The following DZIP3 variants were observed in gnomAD, a reference collection of about 807,000 sequenced individuals.
DZIP3 encodes the protein DAZ interacting zinc finger protein 3.
Under a neutral mutation model 162.0 loss-of-function variants are expected in DZIP3, and 118 were observed. The ratio of observed to expected loss-of-function variants is 0.73; its 90% CI spans 0.63 to 0.85. The LOEUF (loss-of-function observed/expected upper bound fraction) is 0.85. DZIP3 is among the 40% of genes least tolerant of loss of function. The pLI, the probability that DZIP3 is intolerant of heterozygous loss-of-function variation, is 0.00. For missense variants in DZIP3, 1,331 were observed against 1,407.0 expected (o/e 0.95, Z 0.86); for synonymous variants, 438 against 458.6 (o/e 0.96, Z 0.57).
chr3:108,603,615 TAA>T (rs1940157022), intron 1 of DZIP3, among the ~76,000 whole-genome samples: 2 of 152,180 alleles, frequency 1.3e-5, no homozygotes, highest in African/African-American at 4.8e-5. Flanking sequence ...AGCAAGAAAT[TAA>T]GAGATATTAG....
intron 8 of DZIP3, among the ~76,000 whole-genome samples, chr3:108,630,661 C>G (rs1941791004): frequency 6.6e-6 from 1 of 152,004 alleles, no homozygotes; most frequent in African/African-American, 2.4e-5. Flanking sequence ...CTTTACAAAG[C>G]AGTCCCTTAC....
Position 108,662,233 on chromosome 3 carries a change from C to T in DZIP3, c.2399C>T (p.Ala800Val). Residue 800 changes from alanine to valine, a missense_variant, in exon 21 of 33, where the codon GCT becomes GTT. Ala to Val is a moderately conservative substitution (Grantham distance 64). Transcript: ENST00000361582. ...ATCGCATCTCTTAATCAACAAGTTG[C>T]TTTTGGAATCAATAAGGTTTCCAAG... The part of the protein sequence containing the change: ...KIIASLNQQV[A>V]FGINKVSKLQ... 1 of 1,596,316 alleles carries T rather than the reference C, an allele frequency of 6.3e-7. No homozygotes were observed. Among genetic ancestry groups the T allele is most frequent in the Non-Finnish European group, 8.5e-7 (1 of 1,175,468 alleles).
rs1027050403 is a variant in DZIP3 at position 108,693,429 on chromosome 3, A to G, written c.*76A>G. On this transcript the variant is annotated 3_prime_UTR_variant, in exon 33 of 33. Transcript: ENST00000361582. ...CGGTGGTGTGTTGGAGCTGGCTTGT[A>G]ATGTCTTATGAGTGACAATCGTTAG... The G allele has an allele frequency of 3.3e-5, 5 of 152,152 alleles. No homozygotes were observed. Among genetic ancestry groups the G allele is most frequent in the African/African-American group, 1.2e-4 (5 of 41,434 alleles). The allele number at this position is 152,152 out of a possible 1,614,324, so 9.4% of individuals were successfully genotyped here.
intron 24 of DZIP3, among the ~76,000 whole-genome samples, chr3:108,674,548 CG>C (rs1336093652): frequency 6.6e-6 from 1 of 151,820 alleles, no homozygotes; most frequent in African/African-American, 2.4e-5. Context: ...CAGAGACATA[CG>C]TGAACACCAG....
rs778581424 is a variant in DZIP3 at position 108,669,739 on chromosome 3, T to C, written c.2482T>C (p.Ser828Pro). The C allele has an allele frequency of 1.9e-6, 3 of 1,610,972 alleles. No homozygotes were observed. Among genetic ancestry groups the C allele is most frequent in the Non-Finnish European group, 8.5e-7 (1 of 1,178,112 alleles). The change falls in exon 22 of 33, where the codon TCT becomes CCT. Residue 828 changes from serine to proline, a missense_variant. Transcript: ENST00000361582. ...NEIKNLKEQL[S>P]MKRSQWEMEK... ...AATCAAGAACCTTAAAGAGCAACTT[T>C]CTATGAAAAGGTACAAACTTAGCTT...
In DZIP3 at chr3:108,684,100, T is replaced by A. The variant is rs565790329; in HGVS notation, c.2884-116T>A. ...TTTCTAATGTGCTTTGTATCTTGAG[T>A]TCAAATGAGTGTTCCCCCCGCCATA... On this transcript the variant is annotated intron_variant, in intron 26 of 32. Transcript: ENST00000361582. 7 of 1,212,954 alleles carry A rather than the reference T, an allele frequency of 5.8e-6. No individual in the cohort carries two copies. The East Asian group carries it at 1.8e-4, about 31-fold the overall frequency. 75.1% of individuals were successfully genotyped at this position (1,212,954 alleles called of 1,614,324 possible). A position where few individuals can be genotyped will look rare whatever the true frequency, so the allele number is the denominator to read the frequency against.
Position 108,629,152 on chromosome 3 carries a change from TGAA to T in DZIP3, c.675_677del (p.Glu225del). The T allele has an allele frequency of 6.3e-7, 1 of 1,589,550 alleles. No homozygotes were observed. Among genetic ancestry groups the T allele is most frequent in the Non-Finnish European group, 8.5e-7 (1 of 1,171,948 alleles). ...GGTTTGACATAGATCCTACAGAAGA[TGAA>T]GATTTACCTACAACTTTTAAAGTAA... On this transcript the variant is annotated inframe_deletion, in exon 8 of 33. Coordinates refer to ENST00000361582, the MANE Select transcript of DZIP3 (RefSeq NM_014648.4).
intron 28 of DZIP3, 70 bp downstream of exon 28, chr3:108,686,654 A>G: frequency 2.2e-6 from 3 of 1,376,812 alleles, no homozygotes; most frequent in African/African-American, 1.5e-5. Context: ...AATTGTGGCA[A>G]TGAAACATTT....
intron 15 of DZIP3, among the ~76,000 whole-genome samples, chr3:108,647,027 C>T (rs759395961): frequency 1.1e-4 from 16 of 151,936 alleles, no homozygotes; most frequent in Admixed American, 3.9e-4. Flanking sequence ...GGCGACAGAG[C>T]GAGATTCAGT....
At chr3:108,676,506 T>G (rs1944114959) in intron 25 of DZIP3, among the ~76,000 whole-genome samples, 1 of 152,052 alleles carries the variant, frequency 6.6e-6, no homozygotes, top group Admixed American at 6.6e-5. Context: ...AAAGACATAA[T>G]CCACTGAATA....
chr3:108,672,089 C>T (rs192964233), intron 22 of DZIP3, among the ~76,000 whole-genome samples: 62 of 152,076 alleles, frequency 4.1e-4, no homozygotes, highest in Admixed American at 3.0e-3. Context: ...TAGCAGAAGG[C>T]AGGCAAGGAA....
chr3:108,593,090 C>A (rs956716156), intron 1 of DZIP3, among the ~76,000 whole-genome samples: 12 of 152,146 alleles, frequency 7.9e-5, no homozygotes, highest in African/African-American at 2.9e-4. Context: ...AAATGTCTGC[C>A]AAAAATTATC....
chr3:108,610,397 A>G (rs1223060731), intron 3 of DZIP3, among the ~76,000 whole-genome samples: 1 of 152,192 alleles, frequency 6.6e-6, no homozygotes, highest in Non-Finnish European at 1.5e-5. Flanking sequence ...CATAGTTGAG[A>G]TTAGACAGAT....
rs1335857679 is a variant in DZIP3, at chr3:108,642,427, T to C, written c.1065-11T>C. The C allele has an allele frequency of 4.8e-6, 7 of 1,471,418 alleles. No individual in the cohort carries two copies. Among genetic ancestry groups the C allele is most frequent in the Non-Finnish European group, 2.8e-6 (3 of 1,089,844 alleles). The allele number at this position is 1,471,418 out of a possible 1,614,324, so 91.1% of individuals were successfully genotyped here. On this transcript the variant is annotated splice_polypyrimidine_tract_variant and intron_variant, in intron 12 of 32. Transcript: ENST00000361582. Reference sequence around the variant, plus strand: ...TATTTCCACTATAACTTAATTTTTTTCCTTTTGCAGTTATAGAAAGTTGAT... The same window carrying C: ...TATTTCCACTATAACTTAATTTTTTCCCTTTTGCAGTTATAGAAAGTTGAT...
At position 108,636,689 on chromosome 3, in the gene DZIP3, C is replaced by A; in HGVS notation, c.992C>A (p.Pro331His). The part of the protein sequence containing the change: ...DMVRMLQCDV[P>H]GIVKILFEVV... ...GTAAGGATGCTGCAATGTGATGTAC[C>A]TGGAATTGTTAAAATTTTGGTGAGT... The change falls in exon 11 of 33, where the codon CCT (proline) becomes CAT (histidine). Residue 331 changes from proline (P) to histidine (H), a missense_variant. Around this residue, in one of 2 missense-constraint regions of DZIP3, gnomAD observed 1,278 missense variants for 1,317.1 expected, o/e 0.97. Coordinates refer to ENST00000361582, the MANE Select transcript of DZIP3 (RefSeq NM_014648.4). The A allele has an allele frequency of 6.3e-7, 1 of 1,576,268 alleles. No individual in the cohort carries two copies. Among genetic ancestry groups the A allele is most frequent in the South Asian group, 1.2e-5 (1 of 82,668 alleles).
At chr3:108,645,475 C>T (rs1386085243) in intron 14 of DZIP3, among the ~76,000 whole-genome samples, 3 of 152,128 alleles carry the variant, frequency 2.0e-5, no homozygotes, top group African/African-American at 7.2e-5. Context: ...ATTGGCCACT[C>T]CCAAACTTGT....
At chr3:108,642,645 G>C in intron 13 of DZIP3, 131 bp downstream of exon 13, 1 of 980,814 alleles carries the variant, frequency 1.0e-6, no homozygotes, top group Non-Finnish European at 1.4e-6. Context: ...GTTTATACCA[G>C]CAAGCAGCGC....
chr3:108,640,985 T>C (rs907363576), intron 12 of DZIP3, among the ~76,000 whole-genome samples: 1 of 152,080 alleles, frequency 6.6e-6, no homozygotes, highest in African/African-American at 2.4e-5. Flanking sequence ...TCTTTACTAA[T>C]TTATATGGTT....
chr3:108,669,724 C>T lies in DZIP3; in HGVS notation c.2467C>T (p.Leu823Phe), dbSNP rs190719786. 1.6e-5 allele frequency: 25 copies of T among 1,611,256 alleles called. 1 individual carries two copies. In the Admixed American group the frequency reaches 4.2e-4, roughly 27 times the overall value. The change falls in exon 22 of 33, where the codon CTT (leucine) becomes TTT (phenylalanine). Residue 823 changes from leucine to phenylalanine, a missense_variant. By Grantham distance (22) the Leu-to-Phe change is conservative. Transcript: ENST00000361582. ...IHAKDNEIKN[L>F]KEQLSMKRSQ... is the part of the protein sequence containing the mutation. ...TGCTAAAGATAATGAAATCAAGAACCTTAAAGAGCAACTTTCTATGAAAAG... is the reference window on the plus strand; with the variant it reads ...TGCTAAAGATAATGAAATCAAGAACTTTAAAGAGCAACTTTCTATGAAAAG...
Sources: gnomAD v4.1 joint callset for allele counts (sites outside exome capture counted in the v4.1 genomes callset) on GRCh38, gnomAD v4.1.1 for gene constraint, gnomAD v4.1.1 regional missense constraint, MANE v1.5 for transcripts, NCBI Gene and HGNC (gene_info 2026-07-23, HGNC 2026-07-21) for gene names.